TXLNB: variants seen among roughly 807,000 people sequenced by gnomAD.
TXLNB encodes the protein beta-taxilin.
TXLNB carries 37 observed loss-of-function variants against 57.4 expected under a neutral mutation model. That is an observed-to-expected ratio of 0.64 (90% CI 0.50 to 0.85). The LOEUF (loss-of-function observed/expected upper bound fraction) is 0.85, where lower values mean the gene tolerates loss of function less well. Ranked by LOEUF, TXLNB falls within the 40% of genes least tolerant of loss-of-function variation. TXLNB has a pLI of 0.00. For synonymous variants in TXLNB, 302 were observed against 309.6 expected (o/e 0.98, Z 0.26); for missense variants, 848 against 825.6 (o/e 1.03, Z -0.33).
At chr6:139,281,612 G>A (rs1489567162) in intron 2 of TXLNB, among the ~76,000 whole-genome samples, 1 of 95,614 alleles carries the variant, frequency 1.0e-5, no homozygotes, top group Non-Finnish European at 1.8e-5. Context: ...GCAGTGGCGC[G>A]ATCTCGGCTC....
the TXLNB span, among the ~76,000 whole-genome samples, chr6:139,321,706 A>G: frequency 8.4e-6 from 1 of 118,514 alleles, no homozygotes; most frequent in Non-Finnish European, 1.6e-5. Flanking sequence ...ATCTTGGCCC[A>G]CTGCAAGCTC....
chr6:139,185,544 G>C, the TXLNB span, among the ~76,000 whole-genome samples: 1 of 152,074 alleles, frequency 6.6e-6, no homozygotes, highest in East Asian at 1.9e-4. Flanking sequence ...TACTAAAAAT[G>C]TGAAAAATTA....
the TXLNB span, among the ~76,000 whole-genome samples, chr6:139,322,001 T>C: frequency 6.6e-6 from 1 of 151,868 alleles, no homozygotes; most frequent in Non-Finnish European, 1.5e-5. Flanking sequence ...AGTTTTACTA[T>C]GTTGCCCAGG....
chr6:139,232,540 A>G, the TXLNB span, among the ~76,000 whole-genome samples: 14 of 152,202 alleles, frequency 9.2e-5, no homozygotes, highest in Non-Finnish European at 2.1e-4. Context: ...TTCTTTGTAT[A>G]TGGGATTTCT....
rs370739449 is a variant in TXLNB at position 139,244,702 on chromosome 6, A to G, written c.1171-12T>C. The G allele has an allele frequency of 1.3e-6, 2 of 1,580,786 alleles. No individual in the cohort carries two copies. The highest frequency in any genetic ancestry group is 1.7e-5 in the Admixed American group (1 of 59,930). The stretch of plus-strand genomic sequence containing the variant: ...ATTTTCTTAGTTGTCTACAGAAATT[A>G]GAGTGAGTGTGTGTTAATCTTGAAA... On this transcript the variant is annotated splice_polypyrimidine_tract_variant and intron_variant, in intron 8 of 9. Transcript: ENST00000358430.
In TXLNB at chr6:139,240,342, T is replaced by C. The variant is rs535857742; in HGVS notation, c.*2184A>G. On this transcript the variant is annotated 3_prime_UTR_variant, in exon 10 of 10. Transcript: ENST00000358430. ...AGCTTTACAAATTTCAGACAAGTCA[T>C]TCCATCTGAAACTCTGTCCAAGATA... 4.6e-5 allele frequency: 7 copies of C among 152,814 alleles called. No homozygotes were observed. The East Asian group carries it at 1.2e-3, about 25-fold the overall frequency. The allele number at this position is 152,814 out of a possible 1,614,324, so 9.5% of individuals were successfully genotyped here. A position where few individuals can be genotyped will look rare whatever the true frequency, so the allele number is the denominator to read the frequency against.
the TXLNB span, among the ~76,000 whole-genome samples, chr6:139,229,440 A>G: frequency 6.6e-6 from 1 of 152,172 alleles, no homozygotes; most frequent in African/African-American, 2.4e-5. Flanking sequence ...CTCCTGCTTC[A>G]GCCTCTCAAG....
chr6:139,232,688 CA>C, the TXLNB span, among the ~76,000 whole-genome samples: 2 of 152,144 alleles, frequency 1.3e-5, no homozygotes, highest in Admixed American at 6.5e-5. Flanking sequence ...GCAACAAAAC[CA>C]CTAACTGTCT....
At chr6:139,206,144 C>T in the TXLNB span, among the ~76,000 whole-genome samples, 1 of 152,138 alleles carries the variant, frequency 6.6e-6, no homozygotes, top group Non-Finnish European at 1.5e-5. Context: ...TTTGCCACTA[C>T]CAAACCGGCA....
chr6:139,165,254 A>G, the TXLNB span, among the ~76,000 whole-genome samples: 1 of 152,224 alleles, frequency 6.6e-6, no homozygotes, highest in East Asian at 1.9e-4. Flanking sequence ...CTCATTTTAA[A>G]AAAACAGATT....
At chr6:139,319,967 C>T in the TXLNB span, among the ~76,000 whole-genome samples, 1 of 151,972 alleles carries the variant, frequency 6.6e-6, no homozygotes, top group Non-Finnish European at 1.5e-5. Context: ...ATTTCTACTA[C>T]TTTATAAATA....
the TXLNB span, chr6:139,166,089 C>T: frequency 1.9e-5 from 10 of 533,190 alleles, no homozygotes; most frequent in Non-Finnish European, 3.3e-5. Context: ...AGAGATTCCA[C>T]CAGACTGGTT....
intron 3 of TXLNB, 127 bp from the exon 4 acceptor site, chr6:139,270,753 C>T: frequency 1.3e-6 from 1 of 783,582 alleles, no homozygotes; most frequent in East Asian, 2.7e-5. Flanking sequence ...ATCTCTTCCT[C>T]TGGAAGTAAA....
At chr6:139,277,829 C>T (rs1224533514) in intron 2 of TXLNB, among the ~76,000 whole-genome samples, 1 of 152,160 alleles carries the variant, frequency 6.6e-6, no homozygotes, top group Non-Finnish European at 1.5e-5. Flanking sequence ...GGTGGTCAAG[C>T]CACACAACAA....
the TXLNB span, among the ~76,000 whole-genome samples, chr6:139,193,873 G>A: frequency 1.7e-5 from 2 of 116,282 alleles, no homozygotes; most frequent in South Asian, 2.8e-4. Flanking sequence ...ACGGAGTCTC[G>A]CTCTGTCGCC....
chr6:139,273,941 T>C (rs1402551238), intron 3 of TXLNB, among the ~76,000 whole-genome samples: 2 of 152,234 alleles, frequency 1.3e-5, no homozygotes, highest in African/African-American at 4.8e-5. Flanking sequence ...AATGCTGGCT[T>C]TGTGATTTAA....
the TXLNB span, chr6:139,159,395 T>C: frequency 6.6e-6 from 1 of 152,292 alleles, no homozygotes; most frequent in Non-Finnish European, 1.5e-5. Context: ...TAATAACCAG[T>C]TCACTTTTAC....
intron 2 of TXLNB, among the ~76,000 whole-genome samples, chr6:139,284,643 C>T (rs6929173): frequency 1.4e-5 from 2 of 144,998 alleles, no homozygotes; most frequent in Non-Finnish European, 3.1e-5. Context: ...TGGGAGATGG[C>T]GTATAGCATG....
At chr6:139,196,364 G>GTTTTTTTTTTTTTTTTTTTTTTTTTT in the TXLNB span, among the ~76,000 whole-genome samples, 5 of 86,770 alleles carry the variant, frequency 5.8e-5, 1 homozygote. Flanking sequence ...CTCCAGATCT[G>GTTTTTTTTTTTTTTTTTTTTTTTTTT]GTTTTTTTTT....
Sources: gnomAD v4.1 joint callset for allele counts (sites outside exome capture counted in the v4.1 genomes callset) on GRCh38, gnomAD v4.1.1 for gene constraint, MANE v1.5 for transcripts, NCBI Gene and HGNC (gene_info 2026-07-23, HGNC 2026-07-21) for gene names.